YIPF1: variants seen among roughly 807,000 people sequenced by gnomAD.
YIPF1 encodes protein YIPF1.
A neutral mutation model predicts 37.0 loss-of-function variants in YIPF1; 22 were observed. The ratio of observed to expected loss-of-function variants is 0.59; its 90% confidence interval spans 0.42 to 0.85. The LOEUF (loss-of-function observed/expected upper bound fraction) is 0.85. Ranked by LOEUF, YIPF1 falls within the 40% of genes least tolerant of loss-of-function variation. The pLI, the probability that YIPF1 is intolerant of heterozygous loss-of-function variation, is 0.00. For missense variants in YIPF1, 355 were observed against 373.1 expected, an observed-to-expected ratio of 0.95 and a Z score of 0.40; for synonymous variants, 128 against 131.9, an observed-to-expected ratio of 0.97 and a Z score of 0.21.
In YIPF1 at chr1:53,888,853, G is replaced by A. The variant is rs1469617288; in HGVS notation, c.31+54C>T. 3.4e-6 allele frequency: 5 copies of A among 1,490,116 alleles called. No homozygotes were observed. The East Asian group carries it at 9.2e-5, about 27-fold the overall frequency. 92.3% of individuals were successfully genotyped at this position (1,490,116 alleles called of 1,614,324 possible). A position where few individuals can be genotyped will look rare whatever the true frequency, so the allele number is the denominator to read the frequency against. ...CAGTATAGGAATGAAAATACTTGCT[G>A]TGACTGTAGCAACAGTGATCATAAA... On this transcript the variant is annotated intron_variant, in intron 3 of 10. Coordinates refer to ENST00000072644, the MANE Select transcript of YIPF1 (RefSeq NM_018982.5).
At chr1:53,866,514 G>T in intron 8 of YIPF1, 132 bp from the exon 9 acceptor site, 1 of 1,056,832 alleles carries the variant, frequency 9.5e-7, no homozygotes, top group Non-Finnish European at 1.4e-6. Context: ...TTCAGTACAG[G>T]CTGGAGGAAC....
chr1:53,882,005 T>C (rs116258976), intron 4 of YIPF1, among the ~76,000 whole-genome samples: 1,954 of 152,324 alleles, frequency 0.013, 47 homozygotes, highest in African/African-American at 0.044. Flanking sequence ...ATGGTATATA[T>C]ACAACCATGG....
At chr1:53,860,807 C>T (rs192064933) in intron 9 of YIPF1, among the ~76,000 whole-genome samples, 149 of 152,274 alleles carry the variant, frequency 9.8e-4, no homozygotes, top group Middle Eastern at 3.4e-3. Flanking sequence ...TACAATTTAA[C>T]GGTCAAAAGT....
Position 53,866,280 on chromosome 1 carries a change from G to C in YIPF1, c.751C>G (p.Arg251Gly), listed in dbSNP as rs142249295. ...LLAMTFWPAV[R>G]EDNRRVALAT... ...AATGCAACGCGTCGGTTATCCTCAC[G>C]AACAGCTGGCCAAAATGTCATTGCC... is the stretch of plus-strand genomic sequence containing the variant. The change falls in exon 9 of 11, where the codon CGT (arginine) becomes GGT (glycine). Residue 251 changes from arginine (R) to glycine (G), a missense_variant. Coordinates refer to ENST00000072644, the MANE Select transcript of YIPF1 (RefSeq NM_018982.5). The C allele has an allele frequency of 2.5e-6, 4 of 1,614,012 alleles. No homozygotes were observed. Among genetic ancestry groups the C allele is most frequent in the Non-Finnish European group, 3.4e-6 (4 of 1,180,042 alleles).
At chr1:53,855,793 C>G (rs945936482) in intron 10 of YIPF1, among the ~76,000 whole-genome samples, 12 of 152,204 alleles carry the variant, frequency 7.9e-5, no homozygotes, top group African/African-American at 2.9e-4. Context: ...TGACGCATGT[C>G]TCAGAATGCA....
intron 6 of YIPF1, among the ~76,000 whole-genome samples, chr1:53,875,708 T>A (rs967673811): frequency 2.0e-5 from 3 of 152,208 alleles, no homozygotes; most frequent in Admixed American, 2.0e-4. Context: ...GTTCTTTGAA[T>A]GTACTAGGCT....
At chr1:53,864,872 A>G (rs1649976447) in intron 9 of YIPF1, among the ~76,000 whole-genome samples, 1 of 152,222 alleles carries the variant, frequency 6.6e-6, no homozygotes, top group Non-Finnish European at 1.5e-5. Context: ...TGCTTTATAG[A>G]TATCATTTTA....
chr1:53,889,222 C>G (rs1650737361), intron 2 of YIPF1, 22 bp downstream of exon 2: 1 of 344,864 alleles, frequency 2.9e-6, no homozygotes, highest in African/African-American at 2.0e-5. Context: ...TGTGTATGTA[C>G]CAGGAATGAA....
Position 53,853,203 on chromosome 1 carries a change from C to G in YIPF1, c.*9-933G>C, listed in dbSNP as rs544667687. The stretch of plus-strand genomic sequence containing the variant: ...GACATGGTCCCAACTGTCAAGGAAC[C>G]AGTCTACCAAGAGAAGCAACAGGGC... On this transcript the variant is annotated intron_variant, in intron 10 of 10. Transcript: ENST00000072644. Among the ~76,000 whole-genome samples the G allele has an allele frequency of 5.3e-5, 8 of 152,266 alleles. No individual in the cohort carries two copies. The South Asian group carries it at 1.7e-3, about 32-fold the overall frequency.
intron 3 of YIPF1, among the ~76,000 whole-genome samples, chr1:53,887,007 GAT>G (rs1650672730): frequency 6.6e-6 from 1 of 152,008 alleles, no homozygotes; most frequent in Admixed American, 6.5e-5. Flanking sequence ...GAGAGCAGCA[GAT>G]GAAATCAGAG....
At chr1:53,872,349 A>T (rs1650215407) in intron 6 of YIPF1, among the ~76,000 whole-genome samples, 2 of 152,130 alleles carry the variant, frequency 1.3e-5, no homozygotes, top group African/African-American at 4.8e-5. Context: ...ACATACATAT[A>T]TGTCCTCCTG....
intron 9 of YIPF1, 49 bp from the exon 10 acceptor site, chr1:53,860,202 G>C: frequency 6.3e-7 from 1 of 1,590,134 alleles, no homozygotes. Flanking sequence ...CAGTGGTCCG[G>C]GTAAGTGTTT....
intron 7 of YIPF1, among the ~76,000 whole-genome samples, chr1:53,869,606 C>T (rs540532602): frequency 2.0e-5 from 3 of 152,188 alleles, no homozygotes; most frequent in Admixed American, 6.5e-5. Context: ...TACAGCCTCT[C>T]GACAGCAGAG....
At chr1:53,863,529 A>G (rs575957730) in intron 9 of YIPF1, among the ~76,000 whole-genome samples, 2 of 152,292 alleles carry the variant, frequency 1.3e-5, no homozygotes, top group Admixed American at 6.5e-5. Context: ...TGAGGAAACC[A>G]AGGTTCTGAG....
chr1:53,881,244 C>CAAAA (rs747288925), intron 4 of YIPF1, among the ~76,000 whole-genome samples: 3 of 96,308 alleles, frequency 3.1e-5, no homozygotes, highest in African/African-American at 4.0e-5. Flanking sequence ...GACTCCATCT[C>CAAAA]AAAAAAAAAA....
chr1:53,888,231 A>G (rs1481281028), intron 3 of YIPF1, among the ~76,000 whole-genome samples: 1 of 152,010 alleles, frequency 6.6e-6, no homozygotes, highest in Non-Finnish European at 1.5e-5. Flanking sequence ...ATCAAAAGAA[A>G]CAAACAAACA....
At position 53,883,030 on chromosome 1, in the gene YIPF1, AC is replaced by A; in HGVS notation, c.195+82del. On this transcript the variant is annotated intron_variant, in intron 4 of 10. Coordinates refer to ENST00000072644, the MANE Select transcript of YIPF1 (RefSeq NM_018982.5). The stretch of plus-strand genomic sequence containing the variant: ...CTGAGCTGTCATTGCCTGACACTGT[AC>A]CTGGCACACAGTAGACAGTGAATAA... 3 of 1,442,354 alleles carry A rather than the reference AC, an allele frequency of 2.1e-6. No homozygotes were observed. The East Asian group carries it at 7.6e-5, about 36-fold the overall frequency. The allele number at this position is 1,442,354 out of a possible 1,614,324, so 89.3% of individuals were successfully genotyped here.
In YIPF1 at chr1:53,883,107, T is replaced by C. The variant is rs1650545331; in HGVS notation, c.195+6A>G. The C allele has an allele frequency of 1.3e-6, 2 of 1,566,270 alleles. No homozygotes were observed. Among genetic ancestry groups the C allele is most frequent in the Admixed American group, 4.1e-5 (2 of 48,260 alleles). The stretch of plus-strand genomic sequence containing the variant: ...TTTAAAAAATATCTCAAAGACAAGT[T>C]CAAACCTCAGTTTTGTCAGAGTCAT... On this transcript the variant is annotated splice_donor_region_variant and intron_variant, in intron 4 of 10. Transcript: ENST00000072644.
At chr1:53,871,294 G>A (rs1419367868) in intron 7 of YIPF1, 78 bp downstream of exon 7, 6 of 1,268,288 alleles carry the variant, frequency 4.7e-6, no homozygotes, top group Non-Finnish European at 6.9e-6. Flanking sequence ...TAGAGATGGG[G>A]CCCAGGAGCT....
Sources: gnomAD v4.1 joint callset for allele counts (sites outside exome capture counted in the v4.1 genomes callset) on GRCh38, gnomAD v4.1.1 for gene constraint, MANE v1.5 for transcripts, NCBI Gene and HGNC (gene_info 2026-07-23, HGNC 2026-07-21) for gene names.